The following ITGA8 variants were observed in gnomAD, a reference collection of about 807,000 sequenced individuals.
The protein encoded by ITGA8 is integrin subunit alpha 8, also known as integrin alpha-8.
A neutral mutation model predicts 142.3 loss-of-function variants in ITGA8; 91 were observed. That is an observed-to-expected ratio of 0.64 (90% CI 0.54 to 0.76). The LOEUF is 0.76. ITGA8 is among the 30% of genes least tolerant of loss of function. The pLI is 0.00. For missense variants in ITGA8, 1,406 were observed against 1,327.7 expected (o/e 1.06, Z -0.92); for synonymous variants, 505 against 485.2 (o/e 1.04, Z -0.54).
At chr10:15,577,941 A>G (rs1326991267) in intron 23 of ITGA8, among the ~76,000 whole-genome samples, 1 of 152,142 alleles carries the variant, frequency 6.6e-6, no homozygotes, top group African/African-American at 2.4e-5. Context: ...GAAGCAAGGA[A>G]TTAGTTTTTT....
At chr10:15,698,239 T>TC (rs1835094423) in intron 2 of ITGA8, among the ~76,000 whole-genome samples, 2 of 152,222 alleles carry the variant, frequency 1.3e-5, no homozygotes, top group Admixed American at 1.3e-4. Context: ...TGCCATTATT[T>TC]CATTCATTTT....
At chr10:15,532,950 T>C (rs946369688) in intron 27 of ITGA8, among the ~76,000 whole-genome samples, 2 of 152,210 alleles carry the variant, frequency 1.3e-5, no homozygotes, top group Non-Finnish European at 1.5e-5. Flanking sequence ...CACTACATAA[T>C]GGTGTGGGAC....
intron 8 of ITGA8, among the ~76,000 whole-genome samples, chr10:15,671,229 T>C (rs865775140): frequency 6.6e-6 from 1 of 152,108 alleles, no homozygotes; most frequent in African/African-American, 2.4e-5. Context: ...TTGGAGTTCG[T>C]TGGGGAGAGT....
intron 25 of ITGA8, among the ~76,000 whole-genome samples, chr10:15,558,741 C>G (rs1207182747): frequency 3.3e-5 from 5 of 152,162 alleles, no homozygotes; most frequent in Admixed American, 2.6e-4. Flanking sequence ...ACAAAAATGA[C>G]TTTTCGAAAG....
rs143367295 is a variant in ITGA8 at position 15,613,721 on chromosome 10, T to C, written c.1492A>G (p.Met498Val). 1.6e-4 allele frequency: 257 copies of C among 1,614,114 alleles called. No homozygotes were observed. In the Middle Eastern group the frequency reaches 2.8e-3, roughly 18 times the overall value. The change falls in exon 15 of 30, where the codon ATG (methionine) becomes GTG (valine). Residue 498 changes from methionine (M) to valine (V), a missense_variant. Met to Val is a conservative substitution (Grantham distance 21). Coordinates refer to ENST00000378076, the MANE Select transcript of ITGA8 (RefSeq NM_003638.3). Reference protein sequence around the residue: ...TVDAQLLLHPMIINLENKTCQ... With the variant: ...TVDAQLLLHPVIINLENKTCQ... ...GTTTTATTTTCAAGATTGATAATCA[T>C]TGGGTGCAGCAGAAGCTGGGCATCT...
chr10:15,539,497 C>A (rs1053244839), intron 27 of ITGA8, among the ~76,000 whole-genome samples: 1 of 152,032 alleles, frequency 6.6e-6, no homozygotes, highest in East Asian at 1.9e-4. Context: ...CAGTATGACC[C>A]AATACTGCGG....
At chr10:15,642,198 C>T (rs1049978506) in intron 13 of ITGA8, among the ~76,000 whole-genome samples, 4 of 152,168 alleles carry the variant, frequency 2.6e-5, no homozygotes, top group Non-Finnish European at 4.4e-5. Flanking sequence ...TTCCTTTTCC[C>T]TTCCTGCTGC....
intron 26 of ITGA8, among the ~76,000 whole-genome samples, chr10:15,553,025 G>A (rs1246457557): frequency 2.0e-5 from 3 of 152,196 alleles, no homozygotes; most frequent in African/African-American, 7.2e-5. Flanking sequence ...GGGAGGACGA[G>A]GTGGGACGTT....
rs539023139 is a variant in ITGA8 at position 15,558,350 on chromosome 10, A to C, written c.2638-148T>G. ...ACCTGTGATTACCAGCAGTGTGTTTAACAGTGACATGACCTGCACGCACAA... is the reference window on the plus strand; with the variant it reads ...ACCTGTGATTACCAGCAGTGTGTTTCACAGTGACATGACCTGCACGCACAA... On this transcript the variant is annotated intron_variant, in intron 25 of 29. Transcript: ENST00000378076. 125 of 859,910 alleles carry C rather than the reference A, an allele frequency of 1.5e-4. 1 individual carries two copies. Among genetic ancestry groups the C allele is most frequent in the Admixed American group, 4.5e-4 (17 of 37,848 alleles). 53.3% of individuals were successfully genotyped at this position (859,910 alleles called of 1,614,324 possible).
intron 25 of ITGA8, among the ~76,000 whole-genome samples, chr10:15,565,904 T>C (rs1167599318): frequency 2.6e-5 from 4 of 152,036 alleles, no homozygotes; most frequent in Non-Finnish European, 5.9e-5. Flanking sequence ...GTCTTGATTT[T>C]TAAGGGTATG....
chr10:15,560,626 T>G (rs1035443393), intron 25 of ITGA8, among the ~76,000 whole-genome samples: 1 of 152,320 alleles, frequency 6.6e-6, no homozygotes, highest in African/African-American at 2.4e-5. Flanking sequence ...AGAATACTAC[T>G]GGACAGGTTT....
rs1243036523 is a variant in ITGA8, at chr10:15,604,210, T to G, written c.2116A>C (p.Lys706Gln). Residue 706 changes from lysine to glutamine, a missense_variant and splice_region_variant, in exon 20 of 30, where the codon AAG (lysine) becomes CAG (glutamine). Coordinates refer to ENST00000378076, the MANE Select transcript of ITGA8 (RefSeq NM_003638.3). ...TTCAAACAATTTGCAGGCATTACCT[T>G]GTTGTTGCGTTCGATTCCAACATAA... ...ADYVGIERNN[K>Q]GFRPLSCEYK... 6.2e-7 allele frequency: 1 copy of G among 1,608,724 alleles called. No individual in the cohort carries two copies. The highest frequency in any genetic ancestry group is 2.2e-5 in the East Asian group (1 of 44,784).
chr10:15,554,551 AC>A (rs1411694975), intron 26 of ITGA8, among the ~76,000 whole-genome samples: 2 of 152,050 alleles, frequency 1.3e-5, no homozygotes, highest in African/African-American at 4.8e-5. Flanking sequence ...CCATGTGTGC[AC>A]CCACACACTT....
intron 2 of ITGA8, among the ~76,000 whole-genome samples, chr10:15,710,493 T>C (rs990027787): frequency 6.6e-6 from 1 of 152,180 alleles, no homozygotes; most frequent in Non-Finnish European, 1.5e-5. Context: ...GTGGGAACTA[T>C]AGGAGGAGAG....
chr10:15,552,919 T>C (rs1209785044), intron 26 of ITGA8, among the ~76,000 whole-genome samples: 3 of 152,224 alleles, frequency 2.0e-5, no homozygotes, highest in Admixed American at 2.0e-4. Context: ...GAATAGTATA[T>C]GGATTCCCTA....
intron 25 of ITGA8, among the ~76,000 whole-genome samples, chr10:15,568,214 C>T (rs1834112239): frequency 6.6e-6 from 1 of 152,164 alleles, no homozygotes; most frequent in Admixed American, 6.5e-5. Flanking sequence ...ACGAGCCATG[C>T]TCCTGGTCCA....
chr10:15,589,648 A>C (rs1025684315), intron 22 of ITGA8, among the ~76,000 whole-genome samples: 13 of 152,094 alleles, frequency 8.5e-5, no homozygotes, highest in Non-Finnish European at 1.9e-4. Flanking sequence ...ATGCAAAACC[A>C]TCCATTTAGA....
In ITGA8 at chr10:15,671,616, C is replaced by T. The variant is rs774284159; in HGVS notation, c.834G>A (p.Gly278=). ...GYSVAAGEFT[G]DSQQELVAGI... ...AGTGCCTCTCACCTTGCTGAGAATC[C>T]CCAGTAAACTCCCCAGCAGCAACTG... Residue 278 remains glycine (G), a synonymous_variant, in exon 8 of 30, where the codon GGG becomes GGA. Coordinates refer to ENST00000378076, the MANE Select transcript of ITGA8 (RefSeq NM_003638.3). 1.1e-5 allele frequency: 18 copies of T among 1,612,598 alleles called. No individual in the cohort carries two copies. Among genetic ancestry groups the T allele is most frequent in the Non-Finnish European group, 1.5e-5 (18 of 1,178,996 alleles).
chr10:15,617,723 T>G (rs12570735), intron 13 of ITGA8, among the ~76,000 whole-genome samples: 1 of 152,146 alleles, frequency 6.6e-6, no homozygotes, highest in African/African-American at 2.4e-5. Flanking sequence ...TCATTTACAG[T>G]GGCTGTCCCT....
Sources: allele counts gnomAD v4.1 joint callset (sites outside exome capture counted in the v4.1 genomes callset), GRCh38; gene constraint gnomAD v4.1.1; transcripts MANE v1.5; gene names NCBI Gene and HGNC (gene_info 2026-07-23, HGNC 2026-07-21).